NBAS: variants seen among roughly 807,000 people sequenced by gnomAD.
NBAS encodes NAG/BC035112 fusion.
A neutral mutation model predicts 302.5 loss-of-function variants in NBAS; 219 were observed. The ratio of observed to expected loss-of-function variants is 0.72; its 90% confidence interval spans 0.65 to 0.81. The LOEUF is 0.81. NBAS is among the 30% of genes least tolerant of loss of function. The pLI, the probability that NBAS is intolerant of heterozygous loss-of-function variation, is 0.00. For missense variants in NBAS, 2,932 were observed against 2,841.6 expected (o/e 1.03, Z -0.72); for synonymous variants, 1,118 against 1,021.6 (o/e 1.09, Z -1.80).
chr2:14,836,905 A>G, the NBAS span, among the ~76,000 whole-genome samples: 1 of 151,844 alleles, frequency 6.6e-6, no homozygotes, highest in African/African-American at 2.4e-5. Context: ...TAATTCCTAG[A>G]AATTTGTTTC....
At chr2:15,471,190 T>C (rs1679942873) in intron 16 of NBAS, among the ~76,000 whole-genome samples, 1 of 152,186 alleles carries the variant, frequency 6.6e-6, no homozygotes, top group Non-Finnish European at 1.5e-5. Flanking sequence ...AAGATATACA[T>C]GAACTCATGA....
At chr2:14,847,447 C>T in the NBAS span, among the ~76,000 whole-genome samples, 3,591 of 142,108 alleles carry the variant, frequency 0.025, 78 homozygotes, top group South Asian at 0.073. Context: ...AAATGATATT[C>T]CATACCAATG....
At chr2:15,459,619 A>G (rs1389045264) in intron 21 of NBAS, among the ~76,000 whole-genome samples, 1 of 151,432 alleles carries the variant, frequency 6.6e-6, no homozygotes, top group South Asian at 2.1e-4. Flanking sequence ...AGCTGGGACT[A>G]CAGGCCCCTG....
At chr2:15,443,587 T>C (rs1460955922) in intron 21 of NBAS, among the ~76,000 whole-genome samples, 1 of 151,016 alleles carries the variant, frequency 6.6e-6, no homozygotes, top group African/African-American at 2.4e-5. Flanking sequence ...CTCTGAAAAC[T>C]GGCACAAGAC....
intron 29 of NBAS, among the ~76,000 whole-genome samples, chr2:15,382,877 G>A (rs1158232423): frequency 6.6e-6 from 1 of 152,198 alleles, no homozygotes; most frequent in African/African-American, 2.4e-5. Flanking sequence ...CTGCAGTTCA[G>A]CAGAGATGAA....
the NBAS span, among the ~76,000 whole-genome samples, chr2:15,130,980 C>G: frequency 0.97 from 147,658 of 152,324 alleles, 71,605 homozygotes; most frequent in East Asian, 1. Flanking sequence ...TATTATGTTT[C>G]ATAGTGAACA....
the NBAS span, among the ~76,000 whole-genome samples, chr2:15,152,630 C>T: frequency 3.0e-4 from 46 of 152,306 alleles, no homozygotes; most frequent in Non-Finnish European, 5.7e-4. Context: ...TTCTATGGAG[C>T]GCTCTGAACC....
intron 28 of NBAS, among the ~76,000 whole-genome samples, chr2:15,386,399 A>G (rs1018249853): frequency 4.6e-5 from 7 of 152,228 alleles, no homozygotes; most frequent in African/African-American, 1.7e-4. Context: ...GTTAAACTGA[A>G]TCTCTAAATC....
chr2:14,810,049 C>G, the NBAS span, among the ~76,000 whole-genome samples: 1 of 152,230 alleles, frequency 6.6e-6, no homozygotes, highest in African/African-American at 2.4e-5. Flanking sequence ...TGCCTGTACT[C>G]TCATTTTATC....
the NBAS span, among the ~76,000 whole-genome samples, chr2:14,963,947 G>A: frequency 6.6e-6 from 1 of 152,180 alleles, no homozygotes; most frequent in Admixed American, 6.5e-5. Flanking sequence ...GTCTTCCTCA[G>A]CAAAGCGGAA....
Position 15,511,337 on chromosome 2 carries a change from C to A in NBAS, c.760G>T (p.Gly254Cys), listed in dbSNP as rs943983573. 17 of 1,613,666 alleles carry A rather than the reference C, an allele frequency of 1.1e-5. No homozygotes were observed. Among genetic ancestry groups the A allele is most frequent in the Admixed American group, 1.7e-5 (1 of 59,984 alleles). Reference protein sequence around the residue: ...YHPGHRLLLVGGCETAEVGMS... With the variant: ...YHPGHRLLLVCGCETAEVGMS... ...CCTACTTCAGCAGTTTCACATCCAC[C>A]AACAAGTAAAAGTCTAAAAAGGAGA... The change falls in exon 10 of 52, where the codon GGT becomes TGT. Residue 254 changes from glycine (G) to cysteine (C), a missense_variant. Physicochemically the swap from Gly to Cys is radical, Grantham distance 159. Transcript: ENST00000281513.
At chr2:15,035,817 C>A in the NBAS span, among the ~76,000 whole-genome samples, 106 of 152,182 alleles carry the variant, frequency 7.0e-4, no homozygotes, top group African/African-American at 2.4e-3. Context: ...AGGAGGGGAA[C>A]AACACACACT....
At chr2:15,325,933 T>C (rs1297323352) in intron 38 of NBAS, among the ~76,000 whole-genome samples, 1 of 152,134 alleles carries the variant, frequency 6.6e-6, no homozygotes, top group Non-Finnish European at 1.5e-5. Flanking sequence ...CATTATAGGG[T>C]TATTAACTTG....
the NBAS span, among the ~76,000 whole-genome samples, chr2:14,786,655 G>A: frequency 1.3e-5 from 2 of 151,966 alleles, no homozygotes; most frequent in African/African-American, 2.4e-5. Context: ...TTAATCCTGA[G>A]TTCTAGTTTG....
intron 6 of NBAS, among the ~76,000 whole-genome samples, chr2:15,549,198 G>A (rs1664258979): frequency 6.6e-6 from 1 of 152,030 alleles, no homozygotes; most frequent in Admixed American, 6.6e-5. Context: ...GGGGCTCAGA[G>A]AGGTAACTTG....
chr2:14,846,823 CA>C, the NBAS span, among the ~76,000 whole-genome samples: 5 of 150,270 alleles, frequency 3.3e-5, no homozygotes, highest in South Asian at 2.1e-4. Flanking sequence ...AATGGACACA[CA>C]AAAAAATTAA....
chr2:14,995,114 G>A, the NBAS span, among the ~76,000 whole-genome samples: 1 of 152,054 alleles, frequency 6.6e-6, no homozygotes, highest in Non-Finnish European at 1.5e-5. Flanking sequence ...CAACGTGCCG[G>A]TTTGTTACAT....
chr2:15,049,455 C>T, the NBAS span, among the ~76,000 whole-genome samples: 1 of 152,198 alleles, frequency 6.6e-6, no homozygotes, highest in Non-Finnish European at 1.5e-5. Flanking sequence ...GACTCATCAC[C>T]TGTGGGACCC....
In NBAS at chr2:15,317,412, CAG is replaced by C. The variant is rs1242439190; in HGVS notation, c.4583-8167_4583-8166del. ...ATGGAGAATGATTTTGACAAGTTAACAGAAGTAAGCTTCAGAAGGTCGGTAAT... is the reference window on the plus strand; with the variant it reads ...ATGGAGAATGATTTTGACAAGTTAACAAGTAAGCTTCAGAAGGTCGGTAAT... On this transcript the variant is annotated intron_variant, in intron 38 of 51. Transcript: ENST00000281513. 3.3e-5 allele frequency among the ~76,000 whole-genome samples: 5 copies of C among 152,290 alleles called. No individual in the cohort carries two copies. In the East Asian group the frequency reaches 9.7e-4, roughly 29 times the overall value.
Sources: gnomAD v4.1 joint callset for allele counts (sites outside exome capture counted in the v4.1 genomes callset) on GRCh38, gnomAD v4.1.1 for gene constraint, MANE v1.5 for transcripts, NCBI Gene and HGNC (gene_info 2026-07-23, HGNC 2026-07-21) for gene names.